The following AGBL1 variants were observed in gnomAD, a reference collection of about 807,000 sequenced individuals.
AGBL1 encodes AGBL carboxypeptidase 1, also known as cytosolic carboxypeptidase 4.
A neutral mutation model predicts 118.9 loss-of-function variants in AGBL1; 130 were observed. The ratio of observed to expected loss-of-function variants is 1.09; its 90% CI spans 0.95 to 1.26. The LOEUF (loss-of-function observed/expected upper bound fraction) is 1.26. Ranked by LOEUF, AGBL1 falls within the 50% of genes most tolerant of loss-of-function variation. The pLI is 0.00. For missense variants in AGBL1, 1,584 were observed against 1,298.1 expected (o/e 1.22, Z -3.38); for synonymous variants, 555 against 478.9 (o/e 1.16, Z -2.08).
intron 15 of AGBL1, among the ~76,000 whole-genome samples, chr15:86,274,795 C>T (rs1047746441): frequency 1.3e-5 from 2 of 152,134 alleles, no homozygotes; most frequent in Non-Finnish European, 2.9e-5. Context: ...ATGCCAATCC[C>T]CATATTAAAT....
intron 23 of AGBL1, among the ~76,000 whole-genome samples, chr15:86,927,294 G>T (rs964836582): frequency 6.6e-6 from 1 of 151,906 alleles, no homozygotes; most frequent in African/African-American, 2.4e-5. Flanking sequence ...AAATAATAAG[G>T]AAAGTTATTT....
chr15:86,812,701 G>A lies in AGBL1; in HGVS notation c.3159-94386G>A, dbSNP rs376622816. 4.6e-5 allele frequency among the ~76,000 whole-genome samples: 7 copies of A among 152,134 alleles called. No individual in the cohort carries two copies. The East Asian group carries it at 5.8e-4, about 13-fold the overall frequency. On this transcript the variant is annotated intron_variant, in intron 22 of 22. Transcript: ENST00000614907. ...AGATCCCCCTGCCTTGCCTCCCACCGCACAGCCATGCCTCCATGCACTGCT... is the reference window on the plus strand; with the variant it reads ...AGATCCCCCTGCCTTGCCTCCCACCACACAGCCATGCCTCCATGCACTGCT...
At chr15:86,499,665 T>A (rs2082896161) in intron 18 of AGBL1, among the ~76,000 whole-genome samples, 1 of 151,930 alleles carries the variant, frequency 6.6e-6, no homozygotes, top group Non-Finnish European at 1.5e-5. Flanking sequence ...TCTGGACTGG[T>A]CCCATAGAAT....
chr15:86,501,743 A>G (rs1033497885), intron 18 of AGBL1, among the ~76,000 whole-genome samples: 6 of 151,540 alleles, frequency 4.0e-5, no homozygotes, highest in Non-Finnish European at 7.4e-5. Flanking sequence ...CCTTGTAGAA[A>G]ATGATTTGAT....
intron 22 of AGBL1, among the ~76,000 whole-genome samples, chr15:86,753,642 C>T (rs924558827): frequency 6.6e-6 from 1 of 152,052 alleles, no homozygotes; most frequent in Non-Finnish European, 1.5e-5. Flanking sequence ...AGGTGATCCA[C>T]CCACCTTGGC....
intron 24 of AGBL1, among the ~76,000 whole-genome samples, chr15:87,013,158 A>G: frequency 6.6e-6 from 1 of 152,204 alleles, no homozygotes; most frequent in East Asian, 1.9e-4. Context: ...TGGAAATTAA[A>G]TGTTACTTCT....
intron 20 of AGBL1, among the ~76,000 whole-genome samples, chr15:86,552,449 C>T (rs1194687368): frequency 1.3e-5 from 2 of 152,140 alleles, no homozygotes; most frequent in Admixed American, 6.5e-5. Context: ...TAAGTTAAAG[C>T]TATTTGCCAG....
downstream of AGBL1, among the ~76,000 whole-genome samples, chr15:86,918,085 CA>C (rs1489666802): frequency 6.6e-6 from 1 of 152,158 alleles, no homozygotes; most frequent in Admixed American, 6.5e-5. Context: ...AAGAAATTTG[CA>C]AAGTTCATTT....
At chr15:86,810,324 A>G (rs1046565150) in intron 22 of AGBL1, among the ~76,000 whole-genome samples, 8 of 152,092 alleles carry the variant, frequency 5.3e-5, no homozygotes, top group African/African-American at 1.7e-4. Context: ...AACGTGACCA[A>G]ATATTTTCTT....
At chr15:86,790,116 T>A (rs1275812903) in intron 22 of AGBL1, among the ~76,000 whole-genome samples, 1 of 152,104 alleles carries the variant, frequency 6.6e-6, no homozygotes, top group African/African-American at 2.4e-5. Context: ...CTGAAGAAGG[T>A]ACACAGAGCT....
At chr15:86,720,579 A>T (rs540081776) in intron 22 of AGBL1, among the ~76,000 whole-genome samples, 1 of 152,272 alleles carries the variant, frequency 6.6e-6, no homozygotes, top group African/African-American at 2.4e-5. Flanking sequence ...TCAGCTTTTC[A>T]TTGCTCTGGT....
At chr15:86,308,955 G>C (rs944761023) in intron 17 of AGBL1, among the ~76,000 whole-genome samples, 7 of 152,126 alleles carry the variant, frequency 4.6e-5, no homozygotes, top group African/African-American at 1.7e-4. Flanking sequence ...ATCTATTTCT[G>C]TGAAAAGTAT....
chr15:86,237,313 A>G (rs891236701), intron 6 of AGBL1, among the ~76,000 whole-genome samples: 2 of 152,214 alleles, frequency 1.3e-5, no homozygotes, highest in Non-Finnish European at 2.9e-5. Flanking sequence ...CTAGAGGCAC[A>G]ATGCAGTGTG....
chr15:86,562,281 G>T (rs1438939303), intron 21 of AGBL1, among the ~76,000 whole-genome samples: 2 of 152,134 alleles, frequency 1.3e-5, no homozygotes, highest in African/African-American at 2.4e-5. Context: ...CTGTGGGTTT[G>T]TCATAAATAG....
intron 21 of AGBL1, among the ~76,000 whole-genome samples, chr15:86,573,588 TTCC>T (rs1398001537): frequency 6.6e-6 from 1 of 152,210 alleles, no homozygotes; most frequent in African/African-American, 2.4e-5. Context: ...TTCATCCTAC[TTCC>T]TCCTCCTTTC....
chr15:86,236,727 C>G lies in AGBL1; in HGVS notation c.527-10944C>G, dbSNP rs1597602325. On this transcript the variant is annotated intron_variant, in intron 6 of 22. Coordinates refer to ENST00000614907, the MANE Select transcript of AGBL1 (RefSeq NM_001386094.1). Reference sequence around the variant, plus strand: ...TACAGAGACAGAGGGAGGGGGGCTCCAAAGCCGAGAGAGGAAACCAGAGTG... The same window carrying G: ...TACAGAGACAGAGGGAGGGGGGCTCGAAAGCCGAGAGAGGAAACCAGAGTG... Among the ~76,000 whole-genome samples, 4 of 151,756 alleles carry G rather than the reference C, an allele frequency of 2.6e-5. No individual in the cohort carries two copies. In the South Asian group the frequency reaches 8.4e-4, roughly 32 times the overall value.
At chr15:86,394,696 C>G (rs187574013) in intron 17 of AGBL1, among the ~76,000 whole-genome samples, 4 of 152,156 alleles carry the variant, frequency 2.6e-5, no homozygotes, top group Non-Finnish European at 5.9e-5. Context: ...CTTTGATTCT[C>G]AAGTTGGCTT....
At chr15:86,688,845 AG>A (rs200634901) in intron 22 of AGBL1, among the ~76,000 whole-genome samples, 2 of 152,140 alleles carry the variant, frequency 1.3e-5, no homozygotes, top group East Asian at 3.9e-4. Context: ...CCAAATATCA[AG>A]TTCCTTTGTA....
At chr15:86,457,458 A>G (rs1268394218) in intron 18 of AGBL1, among the ~76,000 whole-genome samples, 1 of 152,246 alleles carries the variant, frequency 6.6e-6, no homozygotes, top group African/African-American at 2.4e-5. Flanking sequence ...TGAAGAGGGC[A>G]GGACATCCGG....
Sources: gnomAD v4.1 joint callset for allele counts (sites outside exome capture counted in the v4.1 genomes callset) on GRCh38, gnomAD v4.1.1 for gene constraint, MANE v1.5 for transcripts, NCBI Gene and HGNC (gene_info 2026-07-23, HGNC 2026-07-21) for gene names.